FAM114A1: variants seen among roughly 807,000 people sequenced by gnomAD.
The protein encoded by FAM114A1 is protein NOXP20.
In FAM114A1, 62 loss-of-function variants were observed where a neutral mutation model predicts 64.3. The ratio of observed to expected loss-of-function variants is 0.96; its 90% confidence interval spans 0.79 to 1.19. The LOEUF (loss-of-function observed/expected upper bound fraction) is 1.19. Among genes scored for constraint, FAM114A1 ranks in the 50% most tolerant of loss-of-function variants. FAM114A1 has a pLI of 0.00. For missense variants in FAM114A1, 645 were observed against 676.3 expected, an observed-to-expected ratio of 0.95 and a Z score of 0.51; for synonymous variants, 254 against 251.1, an observed-to-expected ratio of 1.01 and a Z score of -0.11.
intron 3 of FAM114A1, among the ~76,000 whole-genome samples, chr4:38,878,999 A>G (rs1201853445): frequency 6.6e-6 from 1 of 152,162 alleles, no homozygotes; most frequent in Non-Finnish European, 1.5e-5. Context: ...CAGAGGCAGA[A>G]TGCACTCATC....
At chr4:38,929,621 A>G (rs1484804375) in intron 10 of FAM114A1, among the ~76,000 whole-genome samples, 1 of 152,214 alleles carries the variant, frequency 6.6e-6, no homozygotes, top group African/African-American at 2.4e-5. Context: ...CTACTAAAAT[A>G]CAAAAATTAG....
intron 8 of FAM114A1, 61 bp from the exon 9 acceptor site, chr4:38,922,709 G>C: frequency 6.4e-7 from 1 of 1,566,336 alleles, no homozygotes; most frequent in Non-Finnish European, 8.6e-7. Flanking sequence ...GGACCGCTGT[G>C]TGTAAACGTT....
At chr4:38,891,618 A>G (rs1716398246) in intron 3 of FAM114A1, 125 bp from the exon 4 acceptor site, 2 of 773,054 alleles carry the variant, frequency 2.6e-6, no homozygotes, top group East Asian at 2.8e-5. Context: ...TATAAACTAT[A>G]AGCCAATTAG....
chr4:38,875,606 T>A (rs570613207), intron 2 of FAM114A1, among the ~76,000 whole-genome samples: 1 of 152,364 alleles, frequency 6.6e-6, no homozygotes, highest in East Asian at 1.9e-4. Context: ...TAGAATCATA[T>A]CATCTGCAAA....
At chr4:38,941,076 C>CTTTT in intron 14 of FAM114A1, 55 bp downstream of exon 14, 48 of 1,235,866 alleles carry the variant, frequency 3.9e-5, no homozygotes, top group Admixed American at 7.5e-5. Flanking sequence ...GTTAGAACTA[C>CTTTT]TTTTTTTTTT....
chr4:38,886,675 T>C (rs892380593), intron 3 of FAM114A1, among the ~76,000 whole-genome samples: 11 of 151,178 alleles, frequency 7.3e-5, no homozygotes, highest in Admixed American at 3.3e-4. Context: ...CACCTGTAAT[T>C]CCAGCACTTT....
intron 7 of FAM114A1, among the ~76,000 whole-genome samples, chr4:38,910,888 G>A (rs1185403309): frequency 6.6e-6 from 1 of 152,224 alleles, no homozygotes; most frequent in East Asian, 1.9e-4. Flanking sequence ...GCAGATCATG[G>A]CAGACATTCG....
chr4:38,911,335 C>T (rs1249050065), intron 7 of FAM114A1, among the ~76,000 whole-genome samples: 1 of 152,200 alleles, frequency 6.6e-6, no homozygotes, highest in Non-Finnish European at 1.5e-5. Context: ...CCTCATCTTC[C>T]AGGAACAGGT....
Position 38,905,837 on chromosome 4 carries a change from C to T in FAM114A1, c.633C>T (p.Ala211=). 1 of 1,613,906 alleles carries T rather than the reference C, an allele frequency of 6.2e-7. No individual in the cohort carries two copies. The change falls in exon 6 of 15, where the codon GCC becomes GCT. Residue 211 remains alanine, a synonymous_variant. Coordinates refer to ENST00000358869, the MANE Select transcript of FAM114A1 (RefSeq NM_138389.4). ...PSSASRGMLS[A]ITNVVQNTGK... The stretch of plus-strand genomic sequence containing the variant: ...CAGCCTCTCGGGGTATGCTGTCTGC[C>T]ATCACCAATGTGGTTCAAAACACAG...
intron 3 of FAM114A1, among the ~76,000 whole-genome samples, chr4:38,883,278 T>G (rs984045495): frequency 3.3e-5 from 5 of 152,144 alleles, no homozygotes; most frequent in African/African-American, 1.2e-4. Context: ...AAGGGAGGCT[T>G]TAGACAGAGC....
chr4:38,868,671 C>A (rs1007787428), intron 2 of FAM114A1, 125 bp downstream of exon 2: 6 of 152,348 alleles, frequency 3.9e-5, no homozygotes, highest in African/African-American at 1.4e-4. Flanking sequence ...CATTTCCCAT[C>A]CTAAACATCT....
Position 38,922,783 on chromosome 4 carries a change from T to G in FAM114A1, c.959T>G (p.Leu320Ter), listed in dbSNP as rs1407343851. The change falls in exon 9 of 15, where the codon TTA becomes TGA. Residue 320 changes from leucine (L) to a stop codon, truncating the protein, a stop_gained. Coordinates refer to ENST00000358869, the MANE Select transcript of FAM114A1 (RefSeq NM_138389.4). LOFTEE classifies it high-confidence loss of function. ...TTCTTTTTTCAGGTTCAGTCATTTTTAGCATCACTTGATGGAGAGAAGCTG... is the reference window on the plus strand; with the variant it reads ...TTCTTTTTTCAGGTTCAGTCATTTTGAGCATCACTTGATGGAGAGAAGCTG... Reference protein sequence around the residue: ...NESESKVQSFLASLDGEKLEL... With the variant: ...NESESKVQSF 2 of 1,610,524 alleles carry G rather than the reference T, an allele frequency of 1.2e-6. No homozygotes were observed. The highest frequency in any genetic ancestry group is 2.2e-5 in the South Asian group (2 of 89,950).
chr4:38,898,543 A>G (rs1717173981), intron 4 of FAM114A1, among the ~76,000 whole-genome samples: 1 of 152,230 alleles, frequency 6.6e-6, no homozygotes, highest in African/African-American at 2.4e-5. Flanking sequence ...TGAGACAAAG[A>G]GAATAGGAAT....
intron 13 of FAM114A1, 146 bp downstream of exon 13, chr4:38,935,936 C>A: frequency 1.6e-6 from 1 of 632,818 alleles, no homozygotes; most frequent in Non-Finnish European, 2.8e-6. Context: ...AGAGTAACTT[C>A]TCTAAGGACA....
rs184731524 is a variant in FAM114A1 at position 38,872,683 on chromosome 4, A to G, written c.-9+4137A>G. The stretch of plus-strand genomic sequence containing the variant: ...ATTAAGACAGGGAAATCTTTAGGCC[A>G]TGGCAATCAAGCAAAGTCCTAGGCC... On this transcript the variant is annotated intron_variant, in intron 2 of 14. Transcript: ENST00000358869. 1.2e-3 allele frequency among the ~76,000 whole-genome samples: 180 copies of G among 152,362 alleles called. 7 individuals carry two copies. In the East Asian group the frequency reaches 0.03, roughly 25 times the overall value.
chr4:38,882,537 G>C (rs1423518552), intron 3 of FAM114A1, among the ~76,000 whole-genome samples: 1 of 151,992 alleles, frequency 6.6e-6, no homozygotes, highest in Non-Finnish European at 1.5e-5. Flanking sequence ...GCTGAGGCAG[G>C]AGAATCACTT....
chr4:38,869,443 T>A (rs1391099839), intron 2 of FAM114A1, among the ~76,000 whole-genome samples: 2 of 152,082 alleles, frequency 1.3e-5, no homozygotes, highest in East Asian at 1.9e-4. Flanking sequence ...AAAAGACTGG[T>A]GAGGCAGGAG....
At chr4:38,928,422 C>T in intron 9 of FAM114A1, among the ~76,000 whole-genome samples, 1 of 152,250 alleles carries the variant, frequency 6.6e-6, no homozygotes, top group East Asian at 1.9e-4. Flanking sequence ...CTTTAACAAT[C>T]TCTTTATTGC....
intron 12 of FAM114A1, among the ~76,000 whole-genome samples, chr4:38,934,716 T>A (rs558158639): frequency 2.1e-4 from 32 of 152,346 alleles, no homozygotes; most frequent in African/African-American, 7.0e-4. Context: ...TATCTTGCAT[T>A]GTTTTCTTGG....
Sources: allele counts gnomAD v4.1 joint callset (sites outside exome capture counted in the v4.1 genomes callset), GRCh38; gene constraint gnomAD v4.1.1; transcripts MANE v1.5; gene names NCBI Gene and HGNC (gene_info 2026-07-23, HGNC 2026-07-21).